Variants in LYST observed in about 807,000 individuals in gnomAD.
The protein encoded by LYST is lysosomal-trafficking regulator.
Under a neutral mutation model 413.6 loss-of-function variants are expected in LYST, and 192 were observed. The observed-to-expected ratio is 0.46, with a 90% CI of 0.41 to 0.52. The LOEUF is 0.52. Among genes scored for constraint, LYST ranks in the 20% least tolerant of loss-of-function variants. The pLI, the probability that LYST is intolerant of heterozygous loss-of-function variation, is 0.00. For missense variants in LYST, 3,815 were observed against 4,499.9 expected, an observed-to-expected ratio of 0.85 and a Z score of 4.35; for synonymous variants, 1,525 against 1,567.3, an observed-to-expected ratio of 0.97 and a Z score of 0.64.
intron 16 of LYST, 59 bp from the exon 17 acceptor site, chr1:235,777,367 C>G: frequency 6.8e-7 from 1 of 1,464,162 alleles, no homozygotes; most frequent in Non-Finnish European, 9.5e-7. Flanking sequence ...AAGCTATGAA[C>G]TAGCAAGTAA....
chr1:235,804,177 C>T (rs928147173), intron 7 of LYST, among the ~76,000 whole-genome samples: 1 of 152,140 alleles, frequency 6.6e-6, no homozygotes, highest in African/African-American at 2.4e-5. Context: ...CCTGAATTAG[C>T]ATTTAATACA....
rs1363029143 is a variant in LYST, at chr1:235,791,801, C to A, written c.4441G>T (p.Val1481Leu). 6.2e-7 allele frequency: 1 copy of A among 1,614,058 alleles called. No homozygotes were observed. Among genetic ancestry groups the A allele is most frequent in the African/African-American group, 1.3e-5 (1 of 75,048 alleles). ...EGFSVSLWFN[V>L]ECIHEAESTT... ...CTCTCAGCTTCATGGATACACTCCA[C>A]ATTAAACCACAGGGAAACACTGAAA... The change falls in exon 12 of 53, where the codon GTG becomes TTG. Residue 1481 changes from valine (V) to leucine (L), a missense_variant. By Grantham distance (32) the Val-to-Leu change is conservative. Transcript: ENST00000389793.
At chr1:235,762,155 T>G (rs1219445042) in intron 22 of LYST, among the ~76,000 whole-genome samples, 1 of 152,078 alleles carries the variant, frequency 6.6e-6, no homozygotes. Flanking sequence ...TCAAAAGACT[T>G]GGAAAAGAAA....
chr1:235,840,978 C>T (rs908114222), intron 1 of LYST, among the ~76,000 whole-genome samples: 3 of 152,152 alleles, frequency 2.0e-5, no homozygotes, highest in Non-Finnish European at 2.9e-5. Context: ...GGTACTGTCA[C>T]CTGCGAAGAA....
chr1:235,730,773 T>C (rs1664313813), intron 36 of LYST, 74 bp downstream of exon 36: 2 of 1,031,788 alleles, frequency 1.9e-6, no homozygotes, highest in Admixed American at 3.5e-5. Context: ...TTATATAAAA[T>C]AAATATTACA....
intron 48 of LYST, among the ~76,000 whole-genome samples, chr1:235,678,662 A>G (rs2103038901): frequency 6.6e-6 from 1 of 152,286 alleles, no homozygotes; most frequent in African/African-American, 2.4e-5. Flanking sequence ...TTATATTATC[A>G]ATTTATTTTT....
chr1:235,730,612 T>C lies in LYST; in HGVS notation c.9044+235A>G, dbSNP rs201030859. On this transcript the variant is annotated intron_variant, in intron 36 of 52. Coordinates refer to ENST00000389793, the MANE Select transcript of LYST (RefSeq NM_000081.4). ...GTGTGTGTGTGTGTGTGTGTGTGTG[T>C]GTATATGTAAACTAACAAGGGCCAG... Among the ~76,000 whole-genome samples, 182 of 68,312 alleles carry C rather than the reference T, an allele frequency of 2.7e-3. 1 individual carries two copies. Among genetic ancestry groups the C allele is most frequent in the East Asian group, 0.019 (83 of 4,464 alleles). 44.8% of individuals were successfully genotyped at this position (68,312 alleles called of 152,430 possible).
chr1:235,827,688 A>T, intron 3 of LYST: 1 of 983,182 alleles, frequency 1.0e-6, no homozygotes, highest in Non-Finnish European at 1.2e-6. Context: ...TGTTCCTACT[A>T]TTATTGCTAC....
intron 28 of LYST, among the ~76,000 whole-genome samples, chr1:235,749,926 C>A (rs1341000371): frequency 1.3e-5 from 2 of 152,010 alleles, no homozygotes; most frequent in Admixed American, 6.6e-5. Context: ...TTAGCCCAGG[C>A]ACAAGGTGAT....
At chr1:235,853,175 A>C (rs78611805) in intron 1 of LYST, 2,318 of 169,088 alleles carry the variant, frequency 0.014, 33 homozygotes, top group Middle Eastern at 0.028. Context: ...CACATTGTAC[A>C]TTTATACCAA....
At chr1:235,699,251 C>T (rs1160969110) in intron 45 of LYST, among the ~76,000 whole-genome samples, 3 of 152,168 alleles carry the variant, frequency 2.0e-5, no homozygotes, top group Non-Finnish European at 2.9e-5. Context: ...CCAACTCCAC[C>T]GCGTGGCCCC....
At chr1:235,668,523 C>T (rs1658684669) in intron 50 of LYST, among the ~76,000 whole-genome samples, 2 of 152,236 alleles carry the variant, frequency 1.3e-5, no homozygotes, top group Admixed American at 1.3e-4. Context: ...TTGTGTGCTA[C>T]CCAGGGACAC....
chr1:235,883,410 C>T (rs1363781559), exon 1 of LYST: 2 of 152,640 alleles, frequency 1.3e-5, no homozygotes, highest in African/African-American at 4.8e-5. Context: ...CAGCCCAAAC[C>T]CCATTAGATG....
chr1:235,696,552 C>T (rs898864094), intron 46 of LYST, among the ~76,000 whole-genome samples: 67 of 152,334 alleles, frequency 4.4e-4, no homozygotes, highest in African/African-American at 1.6e-3. Flanking sequence ...CCTAGTTTTC[C>T]AGTGTCTAGT....
In LYST at chr1:235,792,042, C is replaced by T. The variant is rs774421985; in HGVS notation, c.4200G>A (p.Leu1400=). The T allele has an allele frequency of 1.2e-6, 2 of 1,613,576 alleles. No individual in the cohort carries two copies. Among genetic ancestry groups the T allele is most frequent in the Admixed American group, 3.3e-5 (2 of 60,000 alleles). ...CACCGTTGCTTAAATTTGGAGCGTGCAGTAAAGGGAAGGTTAGATACTGTG... is the reference window on the plus strand; with the variant it reads ...CACCGTTGCTTAAATTTGGAGCGTGTAGTAAAGGGAAGGTTAGATACTGTG... ...SPSQYLTFPL[L]HAPNLSNGVS... is the part of the protein sequence containing the mutation. The change falls in exon 12 of 53, where the codon CTG becomes CTA. Residue 1400 remains leucine, a synonymous_variant. Transcript: ENST00000389793.
At chr1:235,859,040 G>A (rs138666666) in intron 1 of LYST, among the ~76,000 whole-genome samples, 50 of 152,162 alleles carry the variant, frequency 3.3e-4, no homozygotes, top group African/African-American at 1.2e-3. Flanking sequence ...TTCCCCTCAA[G>A]CATACTCCAA....
intron 48 of LYST, among the ~76,000 whole-genome samples, chr1:235,682,424 C>G (rs1659896822): frequency 6.6e-6 from 1 of 152,176 alleles, no homozygotes; most frequent in Non-Finnish European, 1.5e-5. Flanking sequence ...CCCAGAGAAG[C>G]ATGTGGCGGA....
At chr1:235,848,992 G>A (rs1678213661) in intron 1 of LYST, among the ~76,000 whole-genome samples, 1 of 152,054 alleles carries the variant, frequency 6.6e-6, no homozygotes. Flanking sequence ...AAGAGAAAGA[G>A]GGAACCCTAC....
chr1:235,682,069 G>A (rs1659859865), intron 48 of LYST, among the ~76,000 whole-genome samples: 2 of 152,138 alleles, frequency 1.3e-5, no homozygotes, highest in Non-Finnish European at 2.9e-5. Flanking sequence ...CAAGCACTTT[G>A]GGAGGCTGAG....
Sources: allele counts gnomAD v4.1 joint callset (sites outside exome capture counted in the v4.1 genomes callset), GRCh38; gene constraint gnomAD v4.1.1; transcripts MANE v1.5; gene names NCBI Gene and HGNC (gene_info 2026-07-23, HGNC 2026-07-21).